The following PCDHGA7 variants were observed in gnomAD, a reference collection of about 807,000 sequenced individuals.
PCDHGA7 encodes the protein protocadherin gamma-A7.
In PCDHGA7, 44 loss-of-function variants were observed where a neutral mutation model predicts 58.3. The ratio of observed to expected loss-of-function variants is 0.75; its 90% CI spans 0.59 to 0.97. The LOEUF is 0.97. PCDHGA7 is among the 50% of genes least tolerant of loss of function. PCDHGA7 has a pLI of 0.00. For synonymous variants in PCDHGA7, 516 were observed against 504.2 expected, an observed-to-expected ratio of 1.02 and a Z score of -0.31; for missense variants, 1,266 against 1,188.7, an observed-to-expected ratio of 1.06 and a Z score of -0.96.
In PCDHGA7 at chr5:141,409,944, C is replaced by T. The variant is rs779095634; in HGVS notation, c.2424+24621C>T. The T allele has an allele frequency of 6.2e-7, 1 of 1,613,302 alleles. No individual in the cohort carries two copies. The highest frequency in any genetic ancestry group is 1.7e-5 in the Admixed American group (1 of 60,024). On this transcript the variant is annotated intron_variant, in intron 1 of 3. Transcript: ENST00000518325. ...GCGTTCTTCGATATGGTACCTCGCTCTGCAGAGCCCGGCTACCTAGTGACT... is the reference window on the plus strand; with the variant it reads ...GCGTTCTTCGATATGGTACCTCGCTTTGCAGAGCCCGGCTACCTAGTGACT...
intron 1 of PCDHGA7, chr5:141,394,722 G>A (rs1483795023): frequency 2.5e-6 from 4 of 1,613,314 alleles, no homozygotes; most frequent in Admixed American, 3.3e-5. Flanking sequence ...GGACAGAGAT[G>A]CGCTCAAGCA....
chr5:141,452,002 T>C (rs965343762), intron 1 of PCDHGA7, among the ~76,000 whole-genome samples: 1 of 152,220 alleles, frequency 6.6e-6, no homozygotes, highest in African/African-American at 2.4e-5. Context: ...GCAAAATCAC[T>C]TGGTCCAGCC....
rs754225999 is a variant in PCDHGA7, at chr5:141,489,509, T to C, written c.2425-5298T>C. The C allele has an allele frequency of 1.2e-6, 2 of 1,614,062 alleles. No homozygotes were observed. The highest frequency in any genetic ancestry group is 1.1e-5 in the South Asian group (1 of 91,074). On this transcript the variant is annotated intron_variant, in intron 1 of 3. Coordinates refer to ENST00000518325, the MANE Select transcript of PCDHGA7 (RefSeq NM_018920.4). The surrounding 1 kb of genome is among the most constrained non-coding windows in gnomAD (Gnocchi z 4.5). ...GGTGCCCTGGCAGTGAATCAAAAGA[T>C]TGACCGAGAAAGCCTATGTGGAGCC...
intron 2 of PCDHGA7, among the ~76,000 whole-genome samples, chr5:141,496,991 G>T (rs1164558685): frequency 6.6e-6 from 1 of 151,902 alleles, no homozygotes; most frequent in African/African-American, 2.4e-5. Context: ...TTTGAGACCA[G>T]CCTGGCAGCC....
chr5:141,389,248 A>C, intron 1 of PCDHGA7: 1 of 1,614,036 alleles, frequency 6.2e-7, no homozygotes, highest in South Asian at 1.1e-5. Context: ...CAGTCTTCCT[A>C]TATAGTCCAC....
At chr5:141,403,686 G>T in intron 1 of PCDHGA7, 1 of 1,613,824 alleles carries the variant, frequency 6.2e-7, no homozygotes, top group Non-Finnish European at 8.5e-7. Context: ...TTTGCTCAAC[G>T]GATTTACCGA....
chr5:141,384,966 C>A lies in PCDHGA7; in HGVS notation c.2067C>A (p.Leu689=). Residue 689 remains leucine (L), a synonymous_variant, in exon 1 of 4, where the codon CTC becomes CTA. Transcript: ENST00000518325. ...CCGACGGTCCTTACAACTATGACCT[C>A]ACGTTGTACCTGGTGGTGGCGGTGG... The part of the protein sequence containing the change: ...EPSDGPYNYD[L]TLYLVVAVAT... 1 of 1,614,142 alleles carries A rather than the reference C, an allele frequency of 6.2e-7. No individual in the cohort carries two copies. Among genetic ancestry groups the A allele is most frequent in the South Asian group, 1.1e-5 (1 of 91,084 alleles).
In PCDHGA7 at chr5:141,487,579, A is replaced by G. The variant is rs779441421; in HGVS notation, c.2425-7228A>G. 60 of 1,614,022 alleles carry G rather than the reference A, an allele frequency of 3.7e-5. No homozygotes were observed. The South Asian group carries it at 6.0e-4, about 16-fold the overall frequency. The stretch of plus-strand genomic sequence containing the variant: ...CTATGGCAGGGGAGCCTGTTCGCCC[A>G]AGCTGCCCACCCTCTGATCTTCTCT... On this transcript the variant is annotated intron_variant, in intron 1 of 3. Transcript: ENST00000518325. This position sits in a 1 kb window ranked among gnomAD's most constrained non-coding sequence, Gnocchi z 5.0.
At chr5:141,403,153 C>T (rs2094362720) in intron 1 of PCDHGA7, 2 of 1,614,060 alleles carry the variant, frequency 1.2e-6, no homozygotes, top group Non-Finnish European at 1.7e-6. Flanking sequence ...TCCGCATCGT[C>T]TCTAGAGGTA....
At chr5:141,452,380 G>A (rs1003689226) in intron 1 of PCDHGA7, among the ~76,000 whole-genome samples, 2 of 152,192 alleles carry the variant, frequency 1.3e-5, no homozygotes, top group Admixed American at 1.3e-4. Context: ...GTAGGGAATA[G>A]TATTTAGAAA....
At position 141,383,720 on chromosome 5, in the gene PCDHGA7, A is replaced by T. The variant is rs963032230; in HGVS notation, c.821A>T (p.Asn274Ile). 1.2e-5 allele frequency: 19 copies of T among 1,613,888 alleles called. No individual in the cohort carries two copies. Among genetic ancestry groups the T allele is most frequent in the Non-Finnish European group, 1.6e-5 (19 of 1,179,884 alleles). ...VHAIDLDEGVNGEVTYSFRKI... is the reference protein window; with the variant it reads ...VHAIDLDEGVIGEVTYSFRKI... ...GCTATCGACCTGGACGAGGGAGTCA[A>T]TGGGGAAGTGACATATTCTTTTCGG... Residue 274 changes from asparagine to isoleucine, a missense_variant, in exon 1 of 4, where the codon AAT becomes ATT. Transcript: ENST00000518325.
chr5:141,433,236 C>G, intron 1 of PCDHGA7: 2 of 1,501,160 alleles, frequency 1.3e-6, no homozygotes, highest in South Asian at 1.3e-5. Flanking sequence ...CTCTGTCTCC[C>G]AAGCTGGAAT....
At chr5:141,422,696 ACT>A in intron 1 of PCDHGA7, 1 of 1,602,756 alleles carries the variant, frequency 6.2e-7, no homozygotes, top group Non-Finnish European at 8.5e-7. Flanking sequence ...CTGGTCACTT[ACT>A]CTCTGACGGA....
chr5:141,394,475 C>T (rs1205262995), intron 1 of PCDHGA7: 1 of 1,614,242 alleles, frequency 6.2e-7, no homozygotes, highest in South Asian at 1.1e-5. Context: ...TCGTGCTGGA[C>T]CAGAATGACA....
Position 141,487,650 on chromosome 5 carries a change from G to A in PCDHGA7, c.2425-7157G>A. On this transcript the variant is annotated intron_variant, in intron 1 of 3. Transcript: ENST00000518325. The surrounding 1 kb of genome is among the most constrained non-coding windows in gnomAD (Gnocchi z 5.0). ...TTGCAGGCTCAACAAATGCTTGAGGGTTATTCTGATCCAGGCATATGGCTA... is the reference window on the plus strand; with the variant it reads ...TTGCAGGCTCAACAAATGCTTGAGGATTATTCTGATCCAGGCATATGGCTA... 1 of 1,613,994 alleles carries A rather than the reference G, an allele frequency of 6.2e-7. No individual in the cohort carries two copies. Among genetic ancestry groups the A allele is most frequent in the Non-Finnish European group, 8.5e-7 (1 of 1,179,954 alleles).
chr5:141,442,153 C>T, intron 1 of PCDHGA7: 1 of 158,698 alleles, frequency 6.3e-6, no homozygotes, highest in Non-Finnish European at 1.4e-5. Flanking sequence ...CAGACCTCAG[C>T]GATCACTCTG....
intron 1 of PCDHGA7, chr5:141,423,300 G>A (rs1293301567): frequency 2.5e-6 from 4 of 1,614,028 alleles, no homozygotes; most frequent in African/African-American, 1.3e-5. Context: ...CAGACCTCTC[G>A]CTGTACTTGG....
intron 1 of PCDHGA7, chr5:141,423,752 G>T: frequency 6.2e-6 from 4 of 644,948 alleles, no homozygotes; most frequent in Non-Finnish European, 7.8e-6. Context: ...AAACTGTTTG[G>T]GGGGGGGGTG....
intron 1 of PCDHGA7, chr5:141,409,714 CG>C: frequency 6.2e-7 from 1 of 1,613,226 alleles, no homozygotes; most frequent in Non-Finnish European, 8.5e-7. Flanking sequence ...TGTCGTCATA[CG>C]TGTCAGTGAG....
Sources: gnomAD v4.1 joint callset for allele counts (sites outside exome capture counted in the v4.1 genomes callset) on GRCh38, gnomAD v4.1.1 for gene constraint, Gnocchi (gnomAD v3.1) non-coding constraint, MANE v1.5 for transcripts, NCBI Gene and HGNC (gene_info 2026-07-23, HGNC 2026-07-21) for gene names.